The following ACVR2A variants were observed in gnomAD, a reference collection of about 807,000 sequenced individuals.
The protein encoded by ACVR2A is activin receptor type-2A.
ACVR2A carries 7 observed loss-of-function variants against 61.4 expected under a neutral mutation model. The observed-to-expected ratio is 0.11, with a 90% confidence interval of 0.06 to 0.21. The LOEUF is 0.21. Among genes scored for constraint, ACVR2A ranks in the 10% least tolerant of loss-of-function variants. The pLI is 1.00. For missense variants in ACVR2A, 322 were observed against 621.7 expected, an observed-to-expected ratio of 0.52 and a Z score of 5.13; for synonymous variants, 193 against 208.3, an observed-to-expected ratio of 0.93 and a Z score of 0.63.
chr2:147,863,036 G>C (rs1384339665), intron 1 of ACVR2A, among the ~76,000 whole-genome samples: 1 of 152,144 alleles, frequency 6.6e-6, no homozygotes, highest in Non-Finnish European at 1.5e-5. Flanking sequence ...CCATTTTATA[G>C]ATAAGGAAAC....
At chr2:147,848,579 C>T in intron 1 of ACVR2A, among the ~76,000 whole-genome samples, 1 of 152,126 alleles carries the variant, frequency 6.6e-6, no homozygotes, top group East Asian at 1.9e-4. Flanking sequence ...CCAAATACCA[C>T]ATGTTCCTAT....
chr2:147,844,870 T>G, upstream of ACVR2A: 4 of 345,982 alleles, frequency 1.2e-5, no homozygotes, highest in Non-Finnish European at 1.5e-5. Context: ...AAACCCGCTT[T>G]TGTTGTTGTT....
chr2:147,908,238 T>C (rs1687035717), intron 4 of ACVR2A, among the ~76,000 whole-genome samples: 1 of 152,138 alleles, frequency 6.6e-6, no homozygotes, highest in African/African-American at 2.4e-5. Context: ...AATACAGATA[T>C]GAAAATAAAT....
chr2:147,880,424 T>G (rs999453461), intron 1 of ACVR2A, among the ~76,000 whole-genome samples: 1 of 152,102 alleles, frequency 6.6e-6, no homozygotes, highest in Non-Finnish European at 1.5e-5. Flanking sequence ...AAAGTCAGTT[T>G]TAAGACAAAA....
intron 1 of ACVR2A, 109 bp downstream of exon 1, chr2:147,845,316 T>C (rs1360909911): frequency 4.6e-5 from 34 of 737,620 alleles, no homozygotes; most frequent in Non-Finnish European, 1.9e-5. Flanking sequence ...CCTGGGGAGG[T>C]TGCCCACTCC....
At chr2:147,910,116 T>A (rs1239824116) in intron 4 of ACVR2A, among the ~76,000 whole-genome samples, 1 of 152,134 alleles carries the variant, frequency 6.6e-6, no homozygotes, top group East Asian at 1.9e-4. Context: ...ATTTTTTTGT[T>A]CCGTTTTTAC....
intron 1 of ACVR2A, among the ~76,000 whole-genome samples, chr2:147,890,876 A>G (rs535110816): frequency 6.6e-6 from 1 of 152,190 alleles, no homozygotes; most frequent in African/African-American, 2.4e-5. Flanking sequence ...TGATTGCAGA[A>G]TCAGCTTGAG....
intron 1 of ACVR2A, among the ~76,000 whole-genome samples, chr2:147,864,778 C>A (rs1265223825): frequency 6.6e-6 from 1 of 152,100 alleles, no homozygotes; most frequent in Non-Finnish European, 1.5e-5. Flanking sequence ...AAACAATAAT[C>A]CACTTAGTTG....
chr2:147,859,317 G>A (rs139378187), intron 1 of ACVR2A, among the ~76,000 whole-genome samples: 493 of 152,048 alleles, frequency 3.2e-3, no homozygotes, highest in East Asian at 8.3e-3. Context: ...CTCTTCTAGG[G>A]GCTCCTGTAG....
intron 4 of ACVR2A, among the ~76,000 whole-genome samples, chr2:147,907,951 A>G (rs563529435): frequency 6.6e-6 from 1 of 150,672 alleles, no homozygotes; most frequent in Non-Finnish European, 1.5e-5. Context: ...AGGTGGGAGA[A>G]TTGCTTGAAC....
intron 4 of ACVR2A, among the ~76,000 whole-genome samples, chr2:147,909,963 G>A (rs193069008): frequency 4.6e-5 from 7 of 152,082 alleles, no homozygotes; most frequent in African/African-American, 7.2e-5. Context: ...TTGCTTTACC[G>A]CTCTTATTTT....
Position 147,899,781 on chromosome 2 carries a change from C to T in ACVR2A, c.411C>T (p.Tyr137=), listed in dbSNP as rs770430121. 2 of 1,613,728 alleles carry T rather than the reference C, an allele frequency of 1.2e-6. No homozygotes were observed. Among genetic ancestry groups the T allele is most frequent in the Admixed American group, 1.7e-5 (1 of 59,982 alleles). ...SNPVTPKPPY[Y]NILLYSLVPL... ...CAGTTACACCTAAGCCACCCTATTA[C>T]AACATCCTGCTCTATTCCTTGGTGC... Residue 137 remains tyrosine (Y), a synonymous_variant, in exon 4 of 11, where the codon TAC becomes TAT. Coordinates refer to ENST00000241416, the MANE Select transcript of ACVR2A (RefSeq NM_001616.5).
chr2:147,901,071 T>G (rs931508844), intron 4 of ACVR2A, among the ~76,000 whole-genome samples: 1 of 152,046 alleles, frequency 6.6e-6, no homozygotes, highest in Non-Finnish European at 1.5e-5. Flanking sequence ...TATTTTAACT[T>G]TTAAACAGTA....
At chr2:147,901,135 A>C (rs1038085473) in intron 4 of ACVR2A, among the ~76,000 whole-genome samples, 1 of 152,066 alleles carries the variant, frequency 6.6e-6, no homozygotes, top group Non-Finnish European at 1.5e-5. Flanking sequence ...TTTAAAATAA[A>C]AAGTTTTAGT....
At chr2:147,874,024 G>T in intron 1 of ACVR2A, among the ~76,000 whole-genome samples, 1 of 152,012 alleles carries the variant, frequency 6.6e-6, no homozygotes, top group East Asian at 1.9e-4. Context: ...TGAGGTAAAT[G>T]ATTGATTTTT....
intron 9 of ACVR2A, among the ~76,000 whole-genome samples, chr2:147,925,499 A>T (rs1463347138): frequency 6.6e-6 from 1 of 151,952 alleles, no homozygotes; most frequent in Non-Finnish European, 1.5e-5. Flanking sequence ...AAAAATAAAC[A>T]TGTACTTTTT....
At chr2:147,875,530 C>G (rs181945331) in intron 1 of ACVR2A, among the ~76,000 whole-genome samples, 86 of 152,130 alleles carry the variant, frequency 5.7e-4, no homozygotes, top group African/African-American at 1.9e-3. Flanking sequence ...GAGCCCCAGA[C>G]GAACAGTACA....
rs555460728 is a variant in ACVR2A at position 147,929,354 on chromosome 2, A to T, written c.*2080A>T. 24 of 149,220 alleles carry T rather than the reference A, an allele frequency of 1.6e-4. No homozygotes were observed. The highest frequency in any genetic ancestry group is 5.9e-4 in the African/African-American group (24 of 40,544). The allele number at this position is 149,220 out of a possible 1,614,324, so 9.2% of individuals were successfully genotyped here. On this transcript the variant is annotated 3_prime_UTR_variant, in exon 11 of 11. Coordinates refer to ENST00000241416, the MANE Select transcript of ACVR2A (RefSeq NM_001616.5). ...TGAAGATGAATTTCTACCTGTTGTGAACATTTAACTTTCTTTTTAAAAGTT... is the reference window on the plus strand; with the variant it reads ...TGAAGATGAATTTCTACCTGTTGTGTACATTTAACTTTCTTTTTAAAAGTT...
Position 147,926,012 on chromosome 2 carries a change from T to A in ACVR2A, c.1217-19T>A, listed in dbSNP as rs766090642. On this transcript the variant is annotated intron_variant, in intron 9 of 10. Coordinates refer to ENST00000241416, the MANE Select transcript of ACVR2A (RefSeq NM_001616.5). The stretch of plus-strand genomic sequence containing the variant: ...GGATTTTAATGAAAATGATTTATTT[T>A]ACTTTTCTTACTTTTCAGGACCTGT... 36 of 1,590,240 alleles carry A rather than the reference T, an allele frequency of 2.3e-5. No homozygotes were observed. The South Asian group carries it at 2.4e-4, about 11-fold the overall frequency.
Sources: gnomAD v4.1 joint callset for allele counts (sites outside exome capture counted in the v4.1 genomes callset) on GRCh38, gnomAD v4.1.1 for gene constraint, MANE v1.5 for transcripts, NCBI Gene and HGNC (gene_info 2026-07-23, HGNC 2026-07-21) for gene names.